Variants in ATP2B2 observed in about 807,000 individuals in gnomAD.
ATP2B2 encodes the protein plasma membrane calcium-transporting ATPase 2.
ATP2B2 carries 15 observed loss-of-function variants against 120.0 expected under a neutral mutation model. That is an observed-to-expected ratio of 0.12 (90% CI 0.08 to 0.19). The LOEUF (loss-of-function observed/expected upper bound fraction) is 0.19. Ranked by LOEUF, ATP2B2 falls within the 10% of genes least tolerant of loss-of-function variation. The probability of loss-of-function intolerance (pLI) is 1.00; values close to 1 mark genes in which losing one functional copy is unlikely to be tolerated. For synonymous variants in ATP2B2, 694 were observed against 700.3 expected, an observed-to-expected ratio of 0.99 and a Z score of 0.14; for missense variants, 1,045 against 1,719.8, an observed-to-expected ratio of 0.61 and a Z score of 6.94.
intron 2 of ATP2B2, among the ~76,000 whole-genome samples, chr3:10,540,396 G>A (rs886678416): frequency 1.2e-4 from 18 of 152,208 alleles, no homozygotes; most frequent in Admixed American, 2.0e-4. Context: ...TATAAATCAC[G>A]CTACTATAAA....
intron 1 of ATP2B2, among the ~76,000 whole-genome samples, chr3:10,653,026 C>T (rs1484318415): frequency 1.3e-5 from 2 of 152,116 alleles, no homozygotes; most frequent in Admixed American, 1.3e-4. Context: ...GATAGTTTCA[C>T]AGCTATATGA....
chr3:10,338,755 G>A, intron 21 of ATP2B2: 1 of 314,484 alleles, frequency 3.2e-6, no homozygotes, highest in Non-Finnish European at 6.1e-6. Context: ...CTGTAAAGTG[G>A]GGGCCGCTCT....
At chr3:10,399,293 G>A (rs570107279) in intron 5 of ATP2B2, among the ~76,000 whole-genome samples, 14 of 152,160 alleles carry the variant, frequency 9.2e-5, no homozygotes, top group African/African-American at 2.6e-4. Context: ...GAGGTCATTT[G>A]GGGCATTCCA....
At chr3:10,592,851 T>G (rs1391249397) in intron 2 of ATP2B2, among the ~76,000 whole-genome samples, 1 of 152,210 alleles carries the variant, frequency 6.6e-6, no homozygotes, top group Non-Finnish European at 1.5e-5. Context: ...GGCACAATCA[T>G]GGCTCACTGC....
intron 2 of ATP2B2, among the ~76,000 whole-genome samples, chr3:10,547,737 G>A (rs546802314): frequency 1.3e-5 from 2 of 152,196 alleles, no homozygotes; most frequent in Non-Finnish European, 2.9e-5. Context: ...GGAGGCTGCA[G>A]GCATGGACTT....
At position 10,328,844 on chromosome 3, in the gene ATP2B2, G is replaced by T; in HGVS notation, c.3702C>A (p.Ser1234Arg). Residue 1234 changes from serine (S) to arginine (R), a missense_variant, in exon 23 of 23, where the codon AGC (serine) becomes AGA (arginine). This residue lies in a region of ATP2B2 where 211 missense variants were observed against 385.1 expected (regional missense o/e 0.55). Transcript: ENST00000360273. ...GCGACGTCTCCAGGCTGTGGATGGG[G>T]CTCCCTGGACTTGAAGAGGTAGCTG... ...SKSATSSSPG[S>R]PIHSLETSL is the part of the protein sequence containing the mutation. The T allele has an allele frequency of 6.2e-7, 1 of 1,612,560 alleles. No homozygotes were observed. Among genetic ancestry groups the T allele is most frequent in the Non-Finnish European group, 8.5e-7 (1 of 1,178,742 alleles).
At chr3:10,440,129 AAG>A in intron 2 of ATP2B2, among the ~76,000 whole-genome samples, 2 of 150,204 alleles carry the variant, frequency 1.3e-5, no homozygotes, top group South Asian at 4.3e-4. Flanking sequence ...AAAAAAAAAA[AAG>A]GAGTGTCTCT....
intron 16 of ATP2B2, among the ~76,000 whole-genome samples, chr3:10,349,593 A>G (rs567778072): frequency 6.6e-6 from 1 of 152,226 alleles, no homozygotes; most frequent in East Asian, 1.9e-4. Flanking sequence ...TATTCCCAGG[A>G]GAGCGCATCC....
At chr3:10,373,103 G>A (rs1308002116) in intron 11 of ATP2B2, among the ~76,000 whole-genome samples, 1 of 152,190 alleles carries the variant, frequency 6.6e-6, no homozygotes, top group Non-Finnish European at 1.5e-5. Flanking sequence ...TGTGATAATA[G>A]TAATAATAAA....
rs182557980 is a variant in ATP2B2 at position 10,332,967 on chromosome 3, A to G, written c.3421-3842T>C. Among the ~76,000 whole-genome samples the G allele has an allele frequency of 6.6e-5, 10 of 152,278 alleles. No homozygotes were observed. In the East Asian group the frequency reaches 1.9e-3, roughly 29 times the overall value. ...AAACAACCTCGTTTTTGAGTTAGTC[A>G]GAAGAGTGCACCAATTCATTCCCTC... is the stretch of plus-strand genomic sequence containing the variant. On this transcript the variant is annotated intron_variant, in intron 22 of 22. Transcript: ENST00000360273.
At chr3:10,562,804 G>A (rs191273538) in intron 2 of ATP2B2, among the ~76,000 whole-genome samples, 77 of 152,300 alleles carry the variant, frequency 5.1e-4, no homozygotes, top group African/African-American at 1.6e-3. Flanking sequence ...ATGGGGATTC[G>A]TTAAATAAAT....
At chr3:10,467,560 C>T (rs559901058) in intron 1 of ATP2B2, among the ~76,000 whole-genome samples, 12 of 152,292 alleles carry the variant, frequency 7.9e-5, no homozygotes, top group South Asian at 6.2e-4. Flanking sequence ...AAAGTGGCCA[C>T]GGAAACTTGT....
chr3:10,455,438 C>A (rs1270525410), intron 1 of ATP2B2, among the ~76,000 whole-genome samples: 3 of 152,214 alleles, frequency 2.0e-5, no homozygotes, highest in African/African-American at 7.2e-5. Context: ...TTGGAGAAGT[C>A]ATCTAACTTT....
intron 1 of ATP2B2, among the ~76,000 whole-genome samples, chr3:10,622,122 G>GC (rs2069568816): frequency 1.3e-5 from 2 of 151,948 alleles, no homozygotes; most frequent in African/African-American, 4.8e-5. Flanking sequence ...GTGCTCCAGG[G>GC]GCCCCCCTAG....
At chr3:10,579,088 T>C (rs900486212) in intron 2 of ATP2B2, among the ~76,000 whole-genome samples, 5 of 152,288 alleles carry the variant, frequency 3.3e-5, no homozygotes, top group Admixed American at 1.3e-4. Flanking sequence ...GATTAAGCCA[T>C]GTGGGAGGGA....
chr3:10,426,775 C>T (rs1456003712), intron 2 of ATP2B2, among the ~76,000 whole-genome samples: 1 of 146,512 alleles, frequency 6.8e-6, no homozygotes, highest in Non-Finnish European at 1.5e-5. Flanking sequence ...CCTCCCTGCT[C>T]TTAAAAAAGA....
intron 2 of ATP2B2, among the ~76,000 whole-genome samples, chr3:10,614,669 G>C (rs1686585805): frequency 6.6e-6 from 1 of 152,184 alleles, no homozygotes. Flanking sequence ...GTAGAGTGGG[G>C]ATAATGGTAA....
intron 2 of ATP2B2, among the ~76,000 whole-genome samples, chr3:10,430,547 C>T (rs2063284077): frequency 6.6e-6 from 1 of 152,074 alleles, no homozygotes; most frequent in African/African-American, 2.4e-5. Flanking sequence ...TAAGAAGCAA[C>T]TCCTCCTCCA....
At chr3:10,467,971 C>G (rs1212530624) in intron 1 of ATP2B2, among the ~76,000 whole-genome samples, 6 of 152,168 alleles carry the variant, frequency 3.9e-5, no homozygotes, top group Admixed American at 3.9e-4. Flanking sequence ...GGTCACAGAG[C>G]CAGGGAATGG....
Sources: gnomAD v4.1 joint callset for allele counts (sites outside exome capture counted in the v4.1 genomes callset) on GRCh38, gnomAD v4.1.1 for gene constraint, gnomAD v4.1.1 regional missense constraint, MANE v1.5 for transcripts, NCBI Gene and HGNC (gene_info 2026-07-23, HGNC 2026-07-21) for gene names.